The following ITCH variants were observed in gnomAD, a reference collection of about 807,000 sequenced individuals.
ITCH encodes the protein itchy E3 ubiquitin protein ligase, also known as E3 ubiquitin-protein ligase Itchy homolog.
A neutral mutation model predicts 126.8 loss-of-function variants in ITCH; 28 were observed. The observed-to-expected ratio is 0.22, with a 90% CI of 0.16 to 0.30. ITCH has a LOEUF of 0.30. Ranked by LOEUF, ITCH falls within the 10% of genes least tolerant of loss-of-function variation. The pLI is 1.00. For missense variants in ITCH, 631 were observed against 1,032.4 expected (o/e 0.61, Z 5.33); for synonymous variants, 342 against 340.0 (o/e 1.01, Z -0.06).
In ITCH at chr20:34,413,788, A is replaced by G; in HGVS notation, c.384A>G (p.Pro128=). 1.2e-6 allele frequency: 2 copies of G among 1,613,326 alleles called. No individual in the cohort carries two copies. The highest frequency in any genetic ancestry group is 1.7e-6 in the Non-Finnish European group (2 of 1,179,396). Residue 128 remains proline (P), a synonymous_variant, in exon 6 of 25, where the codon CCA becomes CCG. Coordinates refer to ENST00000374864, the MANE Select transcript of ITCH (RefSeq NM_031483.7). ...TGCAGCTTGGAGGTGACAAAGAGCCAACAGAGACAATAGGAGACTTGTCAA... is the reference window on the plus strand; with the variant it reads ...TGCAGCTTGGAGGTGACAAAGAGCCGACAGAGACAATAGGAGACTTGTCAA... The part of the protein sequence containing the change: ...VTLQLGGDKE[P]TETIGDLSIC...
chr20:34,429,188 C>T (rs1981955642), intron 7 of ITCH, among the ~76,000 whole-genome samples: 1 of 152,144 alleles, frequency 6.6e-6, no homozygotes, highest in African/African-American at 2.4e-5. Context: ...ATCTGCCCAC[C>T]TCGGACCTCC....
rs1258726866 is a variant in ITCH at position 34,363,292 on chromosome 20, C to T, written c.-156C>T. ...CGCTCTAGTAGCTGTGGTCGGGGCT[C>T]GGGACCGGCTGCCATCTTAGTCTAG... On this transcript the variant is annotated 5_prime_UTR_variant, in exon 1 of 25. Transcript: ENST00000374864. The T allele has an allele frequency of 6.5e-6, 1 of 152,732 alleles. No homozygotes were observed. The highest frequency in any genetic ancestry group is 6.5e-5 in the Admixed American group (1 of 15,296). The allele number at this position is 152,732 out of a possible 1,614,324, so 9.5% of individuals were successfully genotyped here.
chr20:34,419,437 G>A (rs908863890), intron 6 of ITCH, among the ~76,000 whole-genome samples: 9 of 150,514 alleles, frequency 6.0e-5, no homozygotes, highest in Admixed American at 2.0e-4. Flanking sequence ...TGATATATAA[G>A]CATTACTTGT....
chr20:34,467,989 A>G (rs1392656180), intron 14 of ITCH, among the ~76,000 whole-genome samples: 3 of 151,656 alleles, frequency 2.0e-5, no homozygotes, highest in Non-Finnish European at 2.9e-5. Flanking sequence ...AGCTTGTGAC[A>G]TAATACAATG....
At chr20:34,405,818 C>T (rs1312074588) in intron 3 of ITCH, among the ~76,000 whole-genome samples, 1 of 151,432 alleles carries the variant, frequency 6.6e-6, no homozygotes, top group Non-Finnish European at 1.5e-5. Context: ...GAGATGAGGT[C>T]TCACTGTGTT....
chr20:34,370,267 G>A (rs1172596362), intron 2 of ITCH, among the ~76,000 whole-genome samples: 1 of 152,112 alleles, frequency 6.6e-6, no homozygotes, highest in Non-Finnish European at 1.5e-5. Flanking sequence ...TGTAAAATAG[G>A]TAAGTATTGA....
chr20:34,467,594 T>C (rs1294557042), intron 14 of ITCH, among the ~76,000 whole-genome samples: 2 of 151,590 alleles, frequency 1.3e-5, no homozygotes, highest in African/African-American at 2.4e-5. Context: ...ACTGGTAAGG[T>C]TCATCAAACT....
intron 2 of ITCH, among the ~76,000 whole-genome samples, chr20:34,375,283 C>T (rs541847529): frequency 8.2e-4 from 124 of 151,826 alleles, no homozygotes; most frequent in African/African-American, 2.7e-3. Context: ...TCAGGTGATC[C>T]GCCTGCCTCG....
At chr20:34,477,943 A>C in intron 17 of ITCH, 83 bp downstream of exon 17, 5 of 1,563,536 alleles carry the variant, frequency 3.2e-6, no homozygotes, top group Non-Finnish European at 4.4e-6. Context: ...TTATTTTCTC[A>C]ATCTTATATT....
At chr20:34,428,564 TTC>T (rs1491436635) in intron 7 of ITCH, among the ~76,000 whole-genome samples, 1 of 152,218 alleles carries the variant, frequency 6.6e-6, no homozygotes, top group Non-Finnish European at 1.5e-5. Flanking sequence ...TAGATGTGCG[TTC>T]TTTTTTTTTG....
intron 23 of ITCH, among the ~76,000 whole-genome samples, chr20:34,497,695 C>T (rs551814281): frequency 3.3e-5 from 5 of 152,350 alleles, no homozygotes; most frequent in Non-Finnish European, 7.3e-5. Flanking sequence ...TCTTGTGCCT[C>T]AGCCTCCCAA....
chr20:34,456,485 T>C (rs1192456954), intron 12 of ITCH, among the ~76,000 whole-genome samples: 1 of 149,636 alleles, frequency 6.7e-6, no homozygotes. Flanking sequence ...GATTCAAACT[T>C]TTTAAAAAGC....
chr20:34,431,894 GT>G (rs1223507880), intron 7 of ITCH, among the ~76,000 whole-genome samples: 9 of 151,902 alleles, frequency 5.9e-5, no homozygotes, highest in African/African-American at 1.9e-4. Flanking sequence ...ACAGAAAAAA[GT>G]TAGCTGGGTG....
chr20:34,453,238 TG>T (rs1985471482), intron 12 of ITCH, among the ~76,000 whole-genome samples: 1 of 152,182 alleles, frequency 6.6e-6, no homozygotes, highest in Admixed American at 6.5e-5. Context: ...ATGAGAAAAA[TG>T]TTTGCTATTA....
intron 23 of ITCH, among the ~76,000 whole-genome samples, chr20:34,498,928 TG>T (rs1422858873): frequency 3.9e-5 from 6 of 152,054 alleles, no homozygotes; most frequent in African/African-American, 2.4e-5. Context: ...TTTAAATGTT[TG>T]TTAGAATTCC....
intron 7 of ITCH, among the ~76,000 whole-genome samples, chr20:34,435,271 C>T (rs545846363): frequency 3.3e-5 from 5 of 151,884 alleles, no homozygotes; most frequent in East Asian, 3.9e-4. Flanking sequence ...TGGGTTCAAG[C>T]GATCCTCCCA....
chr20:34,497,124 G>A (rs1175797721), intron 23 of ITCH, among the ~76,000 whole-genome samples: 1 of 151,900 alleles, frequency 6.6e-6, no homozygotes, highest in Non-Finnish European at 1.5e-5. Flanking sequence ...AGCCTCCTGA[G>A]TAGCTGGGAT....
rs556066166 is a variant in ITCH at position 34,459,446 on chromosome 20, G to A, written c.1295+1972G>A. 1.2e-4 allele frequency among the ~76,000 whole-genome samples: 19 copies of A among 152,248 alleles called. No homozygotes were observed. In the South Asian group the frequency reaches 3.9e-3, roughly 32 times the overall value. ...CCCTTTAGTCTCTAGTTCCTCCAGA[G>A]GTCGGAACTGATGCTCCATGTCCCA... On this transcript the variant is annotated intron_variant, in intron 13 of 24. Transcript: ENST00000374864.
At position 34,393,890 on chromosome 20, in the gene ITCH, T is replaced by C; in HGVS notation, c.70+9T>C. The C allele has an allele frequency of 1.2e-6, 2 of 1,610,696 alleles. No homozygotes were observed. The highest frequency in any genetic ancestry group is 8.5e-7 in the Non-Finnish European group (1 of 1,176,874). ...ACAGCTTCAGATCACTGGTAAGTTT[T>C]AGAAACATCGGCTGCTTTACTTTAT... On this transcript the variant is annotated intron_variant, in intron 3 of 24. Coordinates refer to ENST00000374864, the MANE Select transcript of ITCH (RefSeq NM_031483.7).
Sources: allele counts gnomAD v4.1 joint callset (sites outside exome capture counted in the v4.1 genomes callset), GRCh38; gene constraint gnomAD v4.1.1; transcripts MANE v1.5; gene names NCBI Gene and HGNC (gene_info 2026-07-23, HGNC 2026-07-21).